Variants in FAM219A observed in about 807,000 individuals in gnomAD.
The protein encoded by FAM219A is protein FAM219A.
Under a neutral mutation model 23.4 loss-of-function variants are expected in FAM219A, and 7 were observed. The ratio of observed to expected loss-of-function variants is 0.30; its 90% CI spans 0.17 to 0.56. The LOEUF is 0.56. Ranked by LOEUF, FAM219A falls within the 20% of genes least tolerant of loss-of-function variation. The pLI is 0.92. For synonymous variants in FAM219A, 93 were observed against 99.0 expected (o/e 0.94, Z 0.36); for missense variants, 166 against 246.9 (o/e 0.67, Z 2.20).
rs368530390 is a variant in FAM219A, at chr9:34,435,225, A to T, written c.60+22979T>A. Among the ~76,000 whole-genome samples, 13 of 152,320 alleles carry T rather than the reference A, an allele frequency of 8.5e-5. No individual in the cohort carries two copies. In the East Asian group the frequency reaches 2.1e-3, roughly 25 times the overall value. On this transcript the variant is annotated intron_variant, in intron 1 of 5. Coordinates refer to ENST00000651358, the MANE Select transcript of FAM219A (RefSeq NM_001184940.2). ...TGGGAAGATGTGAGTCAAGTGTGGCATGTCAAAGCTGGGGTGCATAGCAGG... is the reference window on the plus strand; with the variant it reads ...TGGGAAGATGTGAGTCAAGTGTGGCTTGTCAAAGCTGGGGTGCATAGCAGG...
intron 1 of FAM219A, among the ~76,000 whole-genome samples, chr9:34,452,828 C>A (rs915197752): frequency 2.0e-5 from 3 of 152,126 alleles, no homozygotes; most frequent in Non-Finnish European, 4.4e-5. Context: ...CTTCCCTGAC[C>A]ACTCGATGAG....
chr9:34,453,475 C>T (rs185407436), intron 1 of FAM219A, among the ~76,000 whole-genome samples: 6 of 152,276 alleles, frequency 3.9e-5, no homozygotes, highest in Admixed American at 3.9e-4. Flanking sequence ...CTTCATTGAT[C>T]TCTACTCTTT....
chr9:34,406,065 T>A, intron 1 of FAM219A, 101 bp from the exon 2 acceptor site: 1 of 1,223,280 alleles, frequency 8.2e-7, no homozygotes, highest in Non-Finnish European at 1.1e-6. Context: ...TCTGGGCTTC[T>A]GTGAGCATTC....
intron 2 of FAM219A, among the ~76,000 whole-genome samples, chr9:34,404,625 T>C (rs1305874468): frequency 6.6e-6 from 1 of 152,064 alleles, no homozygotes; most frequent in African/African-American, 2.4e-5. Flanking sequence ...GGAGAATCGC[T>C]TGAACCAGGG....
At chr9:34,432,525 T>C (rs551099692) in intron 1 of FAM219A, among the ~76,000 whole-genome samples, 11 of 152,366 alleles carry the variant, frequency 7.2e-5, no homozygotes, top group Admixed American at 7.2e-4. Flanking sequence ...CCCTTCCTAC[T>C]GTCCCTCCTC....
chr9:34,423,026 C>T (rs948079560), intron 1 of FAM219A, among the ~76,000 whole-genome samples: 1 of 152,052 alleles, frequency 6.6e-6, no homozygotes, highest in Non-Finnish European at 1.5e-5. Context: ...AAAATTAGCC[C>T]GGCATGGTGG....
rs1351420141 is a variant in FAM219A, at chr9:34,417,782, T to C, written c.61-11818A>G. Among the ~76,000 whole-genome samples, 1 of 152,176 alleles carries C rather than the reference T, an allele frequency of 6.6e-6. No homozygotes were observed. The highest frequency in any genetic ancestry group is 2.4e-5 in the African/African-American group (1 of 41,444). On this transcript the variant is annotated intron_variant, in intron 1 of 5. Transcript: ENST00000651358. The surrounding 1 kb of genome is among the most constrained non-coding windows in gnomAD (Gnocchi z 4.1). Reference sequence around the variant, plus strand: ...TTACCTGGTTCCCTCTGGGAAATCTTCTTTCATAGAACAGAATTTCCTCTG... The same window carrying C: ...TTACCTGGTTCCCTCTGGGAAATCTCCTTTCATAGAACAGAATTTCCTCTG...
chr9:34,420,690 A>G (rs889134879), intron 1 of FAM219A, among the ~76,000 whole-genome samples: 7 of 152,222 alleles, frequency 4.6e-5, no homozygotes, highest in Admixed American at 4.6e-4. Context: ...TAAGAAAGAG[A>G]AAGACCAGGC....
At position 34,406,219 on chromosome 9, in the gene FAM219A, T is replaced by G. The variant is rs1009556806; in HGVS notation, c.61-255A>C. 7.8e-5 allele frequency: 70 copies of G among 901,520 alleles called. 1 individual carries two copies. The Middle Eastern group carries it at 5.7e-3, about 74-fold the overall frequency. 55.8% of individuals were successfully genotyped at this position (901,520 alleles called of 1,614,324 possible). On this transcript the variant is annotated intron_variant, in intron 1 of 5. Transcript: ENST00000651358. Reference sequence around the variant, plus strand: ...TGTCTGTCCTCAAAGTCCTGTGTGGTCCAGCCTCCTCCAGAAAGCCCATCA... The same window carrying G: ...TGTCTGTCCTCAAAGTCCTGTGTGGGCCAGCCTCCTCCAGAAAGCCCATCA...
chr9:34,406,267 C>A (rs1449301731), intron 1 of FAM219A: 5 of 983,120 alleles, frequency 5.1e-6, no homozygotes, highest in Non-Finnish European at 6.0e-6. Flanking sequence ...ACTCACAGGA[C>A]TTCCTTCTCC....
chr9:34,402,170 A>C, intron 4 of FAM219A: 1 of 1,478,854 alleles, frequency 6.8e-7, no homozygotes, highest in South Asian at 1.4e-5. Flanking sequence ...GGATGACAGC[A>C]GACAACGCAG....
chr9:34,405,736 A>C (rs756926806), intron 2 of FAM219A, 129 bp downstream of exon 2: 30 of 886,352 alleles, frequency 3.4e-5, no homozygotes, highest in Non-Finnish European at 4.7e-5. Context: ...TCGCAGTGCC[A>C]ATGACTTGAA....
At chr9:34,405,718 A>T in intron 2 of FAM219A, 147 bp downstream of exon 2, 1 of 717,162 alleles carries the variant, frequency 1.4e-6, no homozygotes. Flanking sequence ...TGCAGGAGAC[A>T]AGGTGCCTCG....
At chr9:34,401,631 G>A (rs768437380) in intron 5 of FAM219A, 35 bp downstream of exon 5, 54 of 1,596,580 alleles carry the variant, frequency 3.4e-5, no homozygotes, top group South Asian at 1.1e-4. Context: ...GATCCTGCCC[G>A]GTGGTGTCTA....
intron 1 of FAM219A, among the ~76,000 whole-genome samples, chr9:34,445,464 T>C (rs1184947814): frequency 6.6e-6 from 1 of 152,346 alleles, no homozygotes; most frequent in South Asian, 2.1e-4. Flanking sequence ...GGAGTTTATA[T>C]TGATCTCTGA....
At chr9:34,424,610 C>G (rs896302144) in intron 1 of FAM219A, among the ~76,000 whole-genome samples, 2 of 152,106 alleles carry the variant, frequency 1.3e-5, no homozygotes, top group Non-Finnish European at 2.9e-5. Flanking sequence ...CAGCAAAGAC[C>G]CTTGACTTCT....
intron 1 of FAM219A, among the ~76,000 whole-genome samples, chr9:34,454,306 T>C (rs1168982030): frequency 6.6e-6 from 1 of 152,158 alleles, no homozygotes; most frequent in Non-Finnish European, 1.5e-5. Context: ...CGTGGTGGCA[T>C]GCGCCTGTAG....
At chr9:34,448,364 G>A (rs1051966547) in intron 1 of FAM219A, among the ~76,000 whole-genome samples, 1 of 152,184 alleles carries the variant, frequency 6.6e-6, no homozygotes, top group Admixed American at 6.5e-5. Flanking sequence ...GACCATAGCA[G>A]ACATGGAAAA....
In FAM219A at chr9:34,424,178, C is replaced by T. The variant is rs181165075; in HGVS notation, c.61-18214G>A. Reference sequence around the variant, plus strand: ...AACCAGAACCGGAGTCCTAGAGGGGCTCTTGTATGACAAGAGAGACTGGAA... The same window carrying T: ...AACCAGAACCGGAGTCCTAGAGGGGTTCTTGTATGACAAGAGAGACTGGAA... On this transcript the variant is annotated intron_variant, in intron 1 of 5. Transcript: ENST00000651358. Among the ~76,000 whole-genome samples, 517 of 152,136 alleles carry T rather than the reference C, an allele frequency of 3.4e-3. 9 individuals are homozygous for T. Among genetic ancestry groups the T allele is most frequent in the Non-Finnish European group, 4.6e-3 (310 of 68,010 alleles).
Sources: allele counts gnomAD v4.1 joint callset (sites outside exome capture counted in the v4.1 genomes callset), GRCh38; gene constraint gnomAD v4.1.1; non-coding constraint Gnocchi (gnomAD v3.1); transcripts MANE v1.5; gene names NCBI Gene and HGNC (gene_info 2026-07-23, HGNC 2026-07-21).